ARB2A: variants seen among roughly 807,000 people sequenced by gnomAD.
ARB2A encodes cotranscriptional regulator ARB2A.
chr5:93,703,870 T>A, the ARB2A span, among the ~76,000 whole-genome samples: 2 of 152,198 alleles, frequency 1.3e-5, no homozygotes, highest in Non-Finnish European at 2.9e-5. Flanking sequence ...TTCAGTTTCA[T>A]AAACATCTAC....
the ARB2A span, among the ~76,000 whole-genome samples, chr5:93,887,256 T>TA: frequency 4.1e-3 from 334 of 81,310 alleles, 3 homozygotes; most frequent in Middle Eastern, 0.023. Flanking sequence ...AGTGAGTGGA[T>TA]AAAAAAAAAA....
the ARB2A span, among the ~76,000 whole-genome samples, chr5:93,842,781 T>C: frequency 6.6e-6 from 1 of 152,144 alleles, no homozygotes; most frequent in Non-Finnish European, 1.5e-5. Context: ...TTGAGAAATA[T>C]TTTCCCATCT....
chr5:94,066,974 T>C, the ARB2A span, among the ~76,000 whole-genome samples: 1 of 151,904 alleles, frequency 6.6e-6, no homozygotes, highest in East Asian at 1.9e-4. Context: ...CAACAGCACA[T>C]CAAAAAGGTA....
chr5:93,756,068 T>G, the ARB2A span, among the ~76,000 whole-genome samples: 1 of 152,144 alleles, frequency 6.6e-6, no homozygotes, highest in Non-Finnish European at 1.5e-5. Flanking sequence ...CCCTTCAGTA[T>G]GTGTGGGAGC....
the ARB2A span, chr5:93,824,398 A>G: frequency 2.0e-6 from 1 of 500,332 alleles, no homozygotes; most frequent in Admixed American, 3.9e-5. Flanking sequence ...AAATAAAAAT[A>G]ATATAAAAGA....
At chr5:94,089,923 C>A in the ARB2A span, among the ~76,000 whole-genome samples, 12 of 152,206 alleles carry the variant, frequency 7.9e-5, no homozygotes, top group East Asian at 5.8e-4. Context: ...TTTACACAAT[C>A]ATTATTTTGG....
At chr5:94,001,098 GT>G in the ARB2A span, among the ~76,000 whole-genome samples, 1 of 151,920 alleles carries the variant, frequency 6.6e-6, no homozygotes, top group Admixed American at 6.6e-5. Flanking sequence ...CTCCAACTTG[GT>G]TTTTCTTCAA....
At chr5:93,634,133 T>A in the ARB2A span, among the ~76,000 whole-genome samples, 7 of 152,026 alleles carry the variant, frequency 4.6e-5, no homozygotes, top group Admixed American at 1.3e-4. Context: ...CCGGGCGCCG[T>A]GGCTCATGCC....
the ARB2A span, among the ~76,000 whole-genome samples, chr5:93,651,679 C>T: frequency 2.0e-5 from 3 of 152,118 alleles, no homozygotes; most frequent in East Asian, 3.9e-4. Flanking sequence ...TGTTTTTCTC[C>T]TGTTATTTTA....
the ARB2A span, among the ~76,000 whole-genome samples, chr5:93,652,793 A>G: frequency 1.3e-5 from 2 of 152,210 alleles, no homozygotes; most frequent in Admixed American, 1.3e-4. Flanking sequence ...AACATATTTG[A>G]CCAATGAGTT....
the ARB2A span, among the ~76,000 whole-genome samples, chr5:93,687,364 A>C: frequency 6.6e-6 from 1 of 152,330 alleles, no homozygotes; most frequent in Admixed American, 6.5e-5. Flanking sequence ...CTTTTGACCT[A>C]GAAATTTCAC....
chr5:93,827,241 A>T, the ARB2A span, among the ~76,000 whole-genome samples: 1 of 152,122 alleles, frequency 6.6e-6, no homozygotes, highest in African/African-American at 2.4e-5. Flanking sequence ...ATTTCTCCAC[A>T]TCCTCTCCAG....
the ARB2A span, among the ~76,000 whole-genome samples, chr5:93,671,426 A>G: frequency 6.6e-6 from 1 of 152,150 alleles, no homozygotes; most frequent in African/African-American, 2.4e-5. Context: ...ACACAGAATT[A>G]CAATATTACT....
At chr5:93,788,145 A>C in the ARB2A span, among the ~76,000 whole-genome samples, 1 of 152,184 alleles carries the variant, frequency 6.6e-6, no homozygotes, top group African/African-American at 2.4e-5. Flanking sequence ...GATTAAAAGC[A>C]TATGCCATCT....
At chr5:93,673,012 A>G in the ARB2A span, among the ~76,000 whole-genome samples, 1 of 152,220 alleles carries the variant, frequency 6.6e-6, no homozygotes, top group Non-Finnish European at 1.5e-5. Context: ...ACACACATGA[A>G]ACATAATTGT....
chr5:94,014,578 T>C, the ARB2A span, among the ~76,000 whole-genome samples: 1 of 152,004 alleles, frequency 6.6e-6, no homozygotes, highest in Non-Finnish European at 1.5e-5. Context: ...AATGAGATAG[T>C]AATGTATGAG....
the ARB2A span, among the ~76,000 whole-genome samples, chr5:93,893,252 C>T: frequency 6.6e-6 from 1 of 152,134 alleles, no homozygotes; most frequent in Non-Finnish European, 1.5e-5. Flanking sequence ...CACAGCCACT[C>T]AATGGGGAGC....
chr5:93,896,753 A>G, the ARB2A span, among the ~76,000 whole-genome samples: 3 of 152,048 alleles, frequency 2.0e-5, no homozygotes, highest in Admixed American at 2.0e-4. Flanking sequence ...AATCCCAACT[A>G]TTTTATGGTT....
the ARB2A span, among the ~76,000 whole-genome samples, chr5:93,732,170 T>C: frequency 6.6e-6 from 1 of 152,180 alleles, no homozygotes; most frequent in Non-Finnish European, 1.5e-5. Context: ...ATCATGCTAA[T>C]GACTTGTTTT....
Sources: allele counts gnomAD v4.1 joint callset (sites outside exome capture counted in the v4.1 genomes callset), GRCh38; gene constraint gnomAD v4.1.1; transcripts MANE v1.5; gene names NCBI Gene and HGNC (gene_info 2026-07-23, HGNC 2026-07-21).